Variants in BEND3 observed in about 807,000 individuals in gnomAD.
BEND3 encodes BEN domain containing 3, also known as BEN domain-containing protein 3.
A neutral mutation model predicts 60.1 loss-of-function variants in BEND3; 13 were observed. That is an observed-to-expected ratio of 0.22 (90% CI 0.14 to 0.34). The LOEUF is 0.34. Among genes scored for constraint, BEND3 ranks in the 10% least tolerant of loss-of-function variants. The pLI, the probability that BEND3 is intolerant of heterozygous loss-of-function variation, is 1.00. For missense variants in BEND3, 896 were observed against 1,138.1 expected (o/e 0.79, Z 3.06); for synonymous variants, 497 against 491.5 (o/e 1.01, Z -0.15).
intron 1 of BEND3, among the ~76,000 whole-genome samples, chr6:107,106,960 G>A (rs1217920536): frequency 7.0e-6 from 1 of 143,366 alleles, no homozygotes; most frequent in Non-Finnish European, 1.5e-5. Flanking sequence ...TTTTTGAGAC[G>A]GAGTCTCGCT....
chr6:107,113,353 G>A (rs186978281), intron 1 of BEND3, among the ~76,000 whole-genome samples: 1 of 140,224 alleles, frequency 7.1e-6, no homozygotes, highest in South Asian at 2.3e-4. Flanking sequence ...CAGGAAAATC[G>A]CTTGAACCCG....
At chr6:107,106,814 C>A (rs982033430) in intron 1 of BEND3, among the ~76,000 whole-genome samples, 1 of 152,060 alleles carries the variant, frequency 6.6e-6, no homozygotes, top group Non-Finnish European at 1.5e-5. Context: ...CCAGGTGTTG[C>A]CCAAAATGGT....
At chr6:107,102,859 T>C (rs1306051946) in intron 1 of BEND3, among the ~76,000 whole-genome samples, 1 of 152,178 alleles carries the variant, frequency 6.6e-6, no homozygotes, top group Non-Finnish European at 1.5e-5. Flanking sequence ...GCTATTTTAG[T>C]TCCAATTTCA....
At chr6:107,095,163 A>C (rs2783018) in intron 3 of BEND3, among the ~76,000 whole-genome samples, 149,485 of 152,050 alleles carry the variant, frequency 0.98, 73,540 homozygotes, top group Middle Eastern at 1. Context: ...AACAGAGAGA[A>C]CCTGTCTCAA....
At chr6:107,095,536 C>T (rs1301460668) in intron 3 of BEND3, among the ~76,000 whole-genome samples, 4 of 152,130 alleles carry the variant, frequency 2.6e-5, no homozygotes, top group African/African-American at 9.7e-5. Flanking sequence ...AATCACACTC[C>T]TCGGTGTTTA....
chr6:107,083,441 C>A (rs1554233801), intron 3 of BEND3, among the ~76,000 whole-genome samples: 1 of 151,848 alleles, frequency 6.6e-6, no homozygotes, highest in African/African-American at 2.4e-5. Flanking sequence ...GCAACATGGC[C>A]AAACCCCATC....
At chr6:107,084,244 G>A (rs2115010628) in intron 3 of BEND3, among the ~76,000 whole-genome samples, 1 of 152,322 alleles carries the variant, frequency 6.6e-6, no homozygotes, top group South Asian at 2.1e-4. Context: ...TGCAACTGAG[G>A]AATTGCTGGA....
intron 3 of BEND3, among the ~76,000 whole-genome samples, chr6:107,089,886 C>T (rs1554234916): frequency 6.6e-6 from 1 of 151,482 alleles, no homozygotes; most frequent in African/African-American, 2.4e-5. Context: ...TGAGCCACTG[C>T]GCCTGGCCAC....
chr6:107,100,152 A>T (rs1487303422), intron 1 of BEND3, among the ~76,000 whole-genome samples: 2 of 152,144 alleles, frequency 1.3e-5, no homozygotes, highest in Non-Finnish European at 2.9e-5. Context: ...TACACATCTG[A>T]GCCACAGTGC....
chr6:107,068,514 G>T lies in BEND3; in HGVS notation c.*190C>A. 1.5e-6 allele frequency: 1 copy of T among 660,356 alleles called. No individual in the cohort carries two copies. Among genetic ancestry groups the T allele is most frequent in the Non-Finnish European group, 2.5e-6 (1 of 398,256 alleles). The allele number at this position is 660,356 out of a possible 1,614,324, so 40.9% of individuals were successfully genotyped here. On this transcript the variant is annotated 3_prime_UTR_variant, in exon 4 of 4. Transcript: ENST00000369042. The surrounding 1 kb of genome is among the most constrained non-coding windows in gnomAD (Gnocchi z 5.8). ...TAGGACAGAAGTTGTAAGTACAAGA[G>T]ACCAAACTCAAGGCTTCTTTCTTGC...
chr6:107,100,810 T>G (rs902934422), intron 1 of BEND3, among the ~76,000 whole-genome samples: 2 of 152,200 alleles, frequency 1.3e-5, no homozygotes, highest in Non-Finnish European at 2.9e-5. Context: ...TGTTGACACT[T>G]GGGAGTTGTG....
At chr6:107,072,490 G>A (rs944221489) in intron 3 of BEND3, among the ~76,000 whole-genome samples, 1 of 152,166 alleles carries the variant, frequency 6.6e-6, no homozygotes, top group African/African-American at 2.4e-5. Context: ...ACTAATGCCA[G>A]CACAAAACAG....
intron 3 of BEND3, among the ~76,000 whole-genome samples, chr6:107,085,114 G>A (rs1324421659): frequency 4.6e-5 from 7 of 151,556 alleles, no homozygotes; most frequent in Admixed American, 1.3e-4. Context: ...CTTTGGATGC[G>A]CCACCTTTAA....
chr6:107,087,036 A>AG lies in BEND3; in HGVS notation c.240+11514_240+11515insC, dbSNP rs534192999. On this transcript the variant is annotated intron_variant, in intron 3 of 3. Transcript: ENST00000369042. ...CAAGACTCTGTCTAAAAAAAAAAAA[A>AG]AAAAAGAAAAAGAAAAAAAAACTAC... 6.1e-4 allele frequency among the ~76,000 whole-genome samples: 92 copies of AG among 150,338 alleles called. 3 individuals carry two copies. The South Asian group carries it at 0.019, about 30-fold the overall frequency.
rs367885908 is a variant in BEND3, at chr6:107,070,213, G to A, written c.978C>T (p.Ala326=). The A allele has an allele frequency of 1.1e-5, 17 of 1,612,634 alleles. No homozygotes were observed. The East Asian group carries it at 1.3e-4, about 13-fold the overall frequency. The part of the protein sequence containing the change: ...PSVKDTAVWQ[A]ECLPQLNDFF... ...AGTCGTTCAGCTGGGGCAGGCACTC[G>A]GCCTGCCACACAGCCGTGTCCTTCA... Residue 326 remains alanine, a synonymous_variant, in exon 4 of 4, where the codon GCC becomes GCT. Coordinates refer to ENST00000369042, the MANE Select transcript of BEND3 (RefSeq NM_001367314.1). The surrounding 1 kb of genome is among the most constrained non-coding windows in gnomAD (Gnocchi z 6.9).
At chr6:107,081,372 C>G (rs1268358544) in intron 3 of BEND3, among the ~76,000 whole-genome samples, 1 of 151,944 alleles carries the variant, frequency 6.6e-6, no homozygotes, top group Non-Finnish European at 1.5e-5. Context: ...AGACGCCCAC[C>G]ACTACGCCTG....
intron 3 of BEND3, among the ~76,000 whole-genome samples, chr6:107,072,695 T>A (rs1775008445): frequency 2.6e-5 from 4 of 152,182 alleles, no homozygotes; most frequent in Admixed American, 2.6e-4. Flanking sequence ...TCATTTAAAT[T>A]AATGAACGGC....
chr6:107,069,370 G>A lies in BEND3; in HGVS notation c.1821C>T (p.Asp607=), dbSNP rs140865697. ...CSGSLGKKQL[D]PSRIKLIRHY... ...GGCGGATGAGCTTGATGCGGGAGGGGTCCAGCTGCTTCTTGCCCAGGGAGC... is the reference window on the plus strand; with the variant it reads ...GGCGGATGAGCTTGATGCGGGAGGGATCCAGCTGCTTCTTGCCCAGGGAGC... The change falls in exon 4 of 4, where the codon GAC becomes GAT. Residue 607 remains aspartate, a synonymous_variant. Coordinates refer to ENST00000369042, the MANE Select transcript of BEND3 (RefSeq NM_001367314.1). The A allele has an allele frequency of 5.9e-5, 95 of 1,612,782 alleles. No individual in the cohort carries two copies. In the African/African-American group the frequency reaches 1.1e-3, roughly 18 times the overall value.
intron 3 of BEND3, among the ~76,000 whole-genome samples, chr6:107,076,719 C>T (rs1444423564): frequency 1.3e-5 from 2 of 152,164 alleles, no homozygotes; most frequent in African/African-American, 4.8e-5. Flanking sequence ...CTTGGGGAAG[C>T]AGAGAGGCCA....
Sources: allele counts gnomAD v4.1 joint callset (sites outside exome capture counted in the v4.1 genomes callset), GRCh38; gene constraint gnomAD v4.1.1; non-coding constraint Gnocchi (gnomAD v3.1); transcripts MANE v1.5; gene names NCBI Gene and HGNC (gene_info 2026-07-23, HGNC 2026-07-21).